The following NEO1 variants were observed in gnomAD, a reference collection of about 807,000 sequenced individuals.
NEO1 encodes neogenin.
A neutral mutation model predicts 159.7 loss-of-function variants in NEO1; 63 were observed. That is an observed-to-expected ratio of 0.39 (90% CI 0.32 to 0.49). The LOEUF (loss-of-function observed/expected upper bound fraction) is 0.49. NEO1 is among the 20% of genes least tolerant of loss of function. The pLI, the probability that NEO1 is intolerant of heterozygous loss-of-function variation, is 0.85. For synonymous variants in NEO1, 633 were observed against 662.0 expected (o/e 0.96, Z 0.67); for missense variants, 1,615 against 1,831.0 (o/e 0.88, Z 2.15).
chr15:73,204,477 T>A (rs2037101293), intron 7 of NEO1, among the ~76,000 whole-genome samples: 1 of 152,160 alleles, frequency 6.6e-6, no homozygotes, highest in African/African-American at 2.4e-5. Flanking sequence ...TTTTTTTCAT[T>A]CTTTTTTCTC....
intron 5 of NEO1, among the ~76,000 whole-genome samples, chr15:73,138,324 A>G (rs2031986820): frequency 6.6e-6 from 1 of 152,240 alleles, no homozygotes; most frequent in African/African-American, 2.4e-5. Context: ...ATTTATATGC[A>G]TCCAAAATGT....
chr15:73,184,991 G>C lies in NEO1; in HGVS notation c.1291+6564G>C, dbSNP rs574265393. On this transcript the variant is annotated intron_variant, in intron 7 of 28. Transcript: ENST00000261908. ...TGAGCTGTCAAACCATAATGCACTT[G>C]AGGAATTATAAATGCAAATTACCAA... 1.8e-4 allele frequency among the ~76,000 whole-genome samples: 28 copies of C among 152,238 alleles called. No homozygotes were observed. The East Asian group carries it at 5.2e-3, about 28-fold the overall frequency.
intron 7 of NEO1, among the ~76,000 whole-genome samples, chr15:73,229,893 A>G (rs944456682): frequency 6.6e-6 from 1 of 152,144 alleles, no homozygotes; most frequent in African/African-American, 2.4e-5. Flanking sequence ...CTACTTGGTC[A>G]TGGCATATAA....
chr15:73,253,373 A>ATTTTTTTTTTTTTTTTTTTTTTT, intron 11 of NEO1, 27 bp from the exon 12 acceptor site: 2 of 1,152,178 alleles, frequency 1.7e-6, no homozygotes, highest in Non-Finnish European at 2.4e-6. Context: ...TAAAAAAAAA[A>ATTTTTTTTTTTTTTTTTTTTTTT]TTTTTTTTTT....
chr15:73,092,774 A>G (rs1373846386), intron 1 of NEO1, among the ~76,000 whole-genome samples: 1 of 152,180 alleles, frequency 6.6e-6, no homozygotes. Context: ...AGAAAATTAC[A>G]GTTAGTGCAG....
chr15:73,206,802 GC>G (rs2037254036), intron 7 of NEO1, among the ~76,000 whole-genome samples: 1 of 150,362 alleles, frequency 6.7e-6, no homozygotes, highest in South Asian at 2.1e-4. Context: ...TTTAAGAATG[GC>G]ATTTTCTTTT....
Position 73,110,708 on chromosome 15 carries a change from A to T in NEO1, c.131-5832A>T, listed in dbSNP as rs532059457. Among the ~76,000 whole-genome samples, 355 of 152,316 alleles carry T rather than the reference A, an allele frequency of 2.3e-3. 1 individual carries two copies. The highest frequency in any genetic ancestry group is 4.4e-3 in the Non-Finnish European group (301 of 68,014). On this transcript the variant is annotated intron_variant, in intron 1 of 28. Coordinates refer to ENST00000261908, the MANE Select transcript of NEO1 (RefSeq NM_002499.4). The stretch of plus-strand genomic sequence containing the variant: ...AATTTGAAGAGACTTGGGAATGTAG[A>T]AGATATTAGATAGGATCATTAAACC...
chr15:73,227,582 C>T (rs900488595), intron 7 of NEO1, among the ~76,000 whole-genome samples: 4 of 152,194 alleles, frequency 2.6e-5, no homozygotes, highest in Non-Finnish European at 4.4e-5. Context: ...ACTTACAACC[C>T]TGTGCAGGCC....
intron 21 of NEO1, among the ~76,000 whole-genome samples, chr15:73,277,563 G>T (rs972219906): frequency 3.3e-5 from 5 of 152,088 alleles, no homozygotes; most frequent in Non-Finnish European, 7.4e-5. Context: ...GACTGAGCAG[G>T]AACTGAGAAC....
intron 5 of NEO1, among the ~76,000 whole-genome samples, chr15:73,173,632 G>C (rs757141451): frequency 6.6e-6 from 1 of 152,214 alleles, no homozygotes; most frequent in South Asian, 2.1e-4. Flanking sequence ...AAAATGGAGA[G>C]AACTTATAAA....
intron 7 of NEO1, among the ~76,000 whole-genome samples, chr15:73,183,486 C>T (rs2151978240): frequency 6.6e-6 from 1 of 152,250 alleles, no homozygotes. Flanking sequence ...TTTTAGGCCT[C>T]AGGATTCTAC....
rs764513765 is a variant in NEO1, at chr15:73,253,467, T to A, written c.1944+18T>A. 6 of 1,582,852 alleles carry A rather than the reference T, an allele frequency of 3.8e-6. No homozygotes were observed. The South Asian group carries it at 7.1e-5, about 19-fold the overall frequency. On this transcript the variant is annotated intron_variant, in intron 12 of 28. Coordinates refer to ENST00000261908, the MANE Select transcript of NEO1 (RefSeq NM_002499.4). Reference sequence around the variant, plus strand: ...ATTCAAAGGTAAAACTGTATGATGCTGCTGTTCATTTTTACTGGTATACTG... The same window carrying A: ...ATTCAAAGGTAAAACTGTATGATGCAGCTGTTCATTTTTACTGGTATACTG...
At chr15:73,290,224 A>ATT (rs34114271) in intron 25 of NEO1, among the ~76,000 whole-genome samples, 21,017 of 82,286 alleles carry the variant, frequency 0.26, 5,954 homozygotes, top group Non-Finnish European at 0.38. Flanking sequence ...ACTGTGTGGA[A>ATT]TTTTTTTTTT....
chr15:73,261,045 T>A (rs968740638), intron 15 of NEO1, among the ~76,000 whole-genome samples: 1 of 152,162 alleles, frequency 6.6e-6, no homozygotes, highest in African/African-American at 2.4e-5. Flanking sequence ...GGAAGAACTT[T>A]CTTTCACCCC....
At chr15:73,083,063 C>T (rs1234873123) in intron 1 of NEO1, among the ~76,000 whole-genome samples, 1 of 152,058 alleles carries the variant, frequency 6.6e-6, no homozygotes, top group East Asian at 1.9e-4. Flanking sequence ...ACAGGAAAGA[C>T]GGTAGGAGCA....
chr15:73,270,865 A>G (rs1178211241), intron 18 of NEO1, among the ~76,000 whole-genome samples: 1 of 152,192 alleles, frequency 6.6e-6, no homozygotes, highest in East Asian at 1.9e-4. Context: ...AAAATCTTCC[A>G]CTGAAATAAT....
At chr15:73,135,217 C>A (rs1289736292) in intron 4 of NEO1, among the ~76,000 whole-genome samples, 1 of 152,086 alleles carries the variant, frequency 6.6e-6, no homozygotes, top group African/African-American at 2.4e-5. Flanking sequence ...ATTTTCTTTT[C>A]TCTTTAAATC....
chr15:73,125,976 A>G (rs537774635), intron 3 of NEO1, among the ~76,000 whole-genome samples: 10 of 152,330 alleles, frequency 6.6e-5, no homozygotes, highest in South Asian at 4.1e-4. Flanking sequence ...TTATCTTTCA[A>G]TGTGAATGGG....
At chr15:73,138,630 C>T (rs1012540507) in intron 5 of NEO1, among the ~76,000 whole-genome samples, 28 of 152,048 alleles carry the variant, frequency 1.8e-4, no homozygotes, top group African/African-American at 6.8e-4. Context: ...GTGGCGGCCG[C>T]CTGTAGTCCC....
Sources: gnomAD v4.1 joint callset for allele counts (sites outside exome capture counted in the v4.1 genomes callset) on GRCh38, gnomAD v4.1.1 for gene constraint, MANE v1.5 for transcripts, NCBI Gene and HGNC (gene_info 2026-07-23, HGNC 2026-07-21) for gene names.